The following FHIT variants were observed in gnomAD, a reference collection of about 807,000 sequenced individuals.
FHIT encodes fragile histidine triad diadenosine triphosphatase, also known as bis(5'-adenosyl)-triphosphatase.
FHIT carries 19 observed loss-of-function variants against 17.9 expected under a neutral mutation model. The ratio of observed to expected loss-of-function variants is 1.06; its 90% CI spans 0.74 to 1.56. The LOEUF (loss-of-function observed/expected upper bound fraction) is 1.56, where lower values mean the gene tolerates loss of function less well. Among genes scored for constraint, FHIT ranks in the 40% most tolerant of loss-of-function variants. The pLI is 0.00. For missense variants in FHIT, 248 were observed against 189.2 expected (o/e 1.31, Z -1.82); for synonymous variants, 81 against 69.7 (o/e 1.16, Z -0.81).
intron 2 of FHIT, among the ~76,000 whole-genome samples, chr3:61,116,471 G>A (rs62268767): frequency 0.11 from 16,720 of 151,976 alleles, 951 homozygotes; most frequent in African/African-American, 0.12. Flanking sequence ...AAATGGACTA[G>A]GGAAGTTTTT....
chr3:60,210,494 T>A (rs9851189), intron 5 of FHIT, among the ~76,000 whole-genome samples: 4,266 of 150,774 alleles, frequency 0.028, 185 homozygotes, highest in African/African-American at 0.093. Context: ...GGAGAACACA[T>A]TGGTAAGCTT....
At chr3:59,959,690 C>T (rs1448353700) in intron 7 of FHIT, among the ~76,000 whole-genome samples, 2 of 152,204 alleles carry the variant, frequency 1.3e-5, no homozygotes, top group Non-Finnish European at 2.9e-5. Context: ...ACAGATAAAG[C>T]CCCTGGCCTC....
intron 7 of FHIT, among the ~76,000 whole-genome samples, chr3:59,986,258 C>G (rs1442235704): frequency 6.6e-6 from 1 of 151,690 alleles, no homozygotes; most frequent in Non-Finnish European, 1.5e-5. Context: ...CTGAGAAGCT[C>G]TCAGTAGGAG....
chr3:60,814,223 G>C (rs1701662211), intron 4 of FHIT, among the ~76,000 whole-genome samples: 1 of 152,038 alleles, frequency 6.6e-6, no homozygotes, highest in Admixed American at 6.6e-5. Flanking sequence ...TTTCATTTTA[G>C]ATTCAGGGGG....
chr3:60,668,062 T>A (rs2040421474), intron 4 of FHIT, among the ~76,000 whole-genome samples: 1 of 152,042 alleles, frequency 6.6e-6, no homozygotes, highest in African/African-American at 2.4e-5. Flanking sequence ...AATTGGCCAC[T>A]TTTTGTGGTT....
At chr3:60,562,054 T>A (rs1156255958) in intron 4 of FHIT, among the ~76,000 whole-genome samples, 2 of 152,188 alleles carry the variant, frequency 1.3e-5, no homozygotes, top group Non-Finnish European at 2.9e-5. Flanking sequence ...TTTCCCTATG[T>A]TTGAGTTCTC....
intron 5 of FHIT, among the ~76,000 whole-genome samples, chr3:60,522,914 A>G (rs2035427286): frequency 6.6e-6 from 1 of 152,168 alleles, no homozygotes; most frequent in East Asian, 1.9e-4. Flanking sequence ...GGTAATTTAT[A>G]AAGAAAAAGA....
chr3:61,002,880 T>C (rs1257829443), intron 3 of FHIT, among the ~76,000 whole-genome samples: 1 of 152,150 alleles, frequency 6.6e-6, no homozygotes, highest in Non-Finnish European at 1.5e-5. Flanking sequence ...CTTCTGATAG[T>C]TGCTTGCCTG....
intron 5 of FHIT, among the ~76,000 whole-genome samples, chr3:60,291,696 T>C (rs553749959): frequency 7.3e-4 from 111 of 152,284 alleles, no homozygotes; most frequent in African/African-American, 2.4e-3. Flanking sequence ...AAATAATTTC[T>C]TTCCACTTCC....
At chr3:61,205,723 T>C (rs1190909482) in intron 1 of FHIT, among the ~76,000 whole-genome samples, 1 of 152,244 alleles carries the variant, frequency 6.6e-6, no homozygotes, top group Non-Finnish European at 1.5e-5. Flanking sequence ...TATTAGCCCT[T>C]TGTCAGATGA....
chr3:59,795,038 C>T (rs1269126837), intron 8 of FHIT, among the ~76,000 whole-genome samples: 1 of 152,134 alleles, frequency 6.6e-6, no homozygotes, highest in Non-Finnish European at 1.5e-5. Flanking sequence ...GAATGCAATG[C>T]AAAGCATGTA....
At chr3:60,116,564 A>G (rs1704971859) in intron 5 of FHIT, among the ~76,000 whole-genome samples, 1 of 152,220 alleles carries the variant, frequency 6.6e-6, no homozygotes, top group South Asian at 2.1e-4. Flanking sequence ...CAATTCTGAA[A>G]AAGAATCCCC....
rs1427878779 is a variant in FHIT, at chr3:59,779,691, G to T, written c.349-27370C>A. Among the ~76,000 whole-genome samples the T allele has an allele frequency of 2.6e-5, 4 of 152,272 alleles. No individual in the cohort carries two copies. In the East Asian group the frequency reaches 7.7e-4, roughly 29 times the overall value. ...CTGATCCGGGCATACGAGGTTATCA[G>T]GAAATCCTCAAGTCAGTGTCTCTCC... On this transcript the variant is annotated intron_variant, in intron 8 of 9. Coordinates refer to ENST00000492590, the MANE Select transcript of FHIT (RefSeq NM_002012.4).
At chr3:60,991,497 G>T (rs2030209761) in intron 3 of FHIT, among the ~76,000 whole-genome samples, 1 of 152,204 alleles carries the variant, frequency 6.6e-6, no homozygotes, top group Non-Finnish European at 1.5e-5. Flanking sequence ...GGAAGAAAAT[G>T]GACAAAATTG....
At chr3:60,541,494 T>A (rs1303691394) in intron 4 of FHIT, among the ~76,000 whole-genome samples, 1 of 152,150 alleles carries the variant, frequency 6.6e-6, no homozygotes, top group Non-Finnish European at 1.5e-5. Context: ...CATGTGGGGC[T>A]ATTCGTACTA....
intron 5 of FHIT, among the ~76,000 whole-genome samples, chr3:60,408,837 A>C (rs539259509): frequency 6.6e-6 from 1 of 152,284 alleles, no homozygotes; most frequent in Non-Finnish European, 1.5e-5. Flanking sequence ...CAGGGAATAG[A>C]CTTTTTTAAA....
intron 3 of FHIT, among the ~76,000 whole-genome samples, chr3:60,938,553 T>G (rs1183572123): frequency 6.6e-6 from 1 of 152,190 alleles, no homozygotes; most frequent in East Asian, 1.9e-4. Context: ...TTCCTGTAAA[T>G]GTCTTCCCTG....
At chr3:61,238,695 C>T (rs890957763) in intron 1 of FHIT, among the ~76,000 whole-genome samples, 10 of 152,252 alleles carry the variant, frequency 6.6e-5, no homozygotes, top group East Asian at 1.9e-4. Flanking sequence ...TAGATGAATC[C>T]AACCAGCTTC....
At chr3:61,104,913 A>G (rs189790235) in intron 2 of FHIT, among the ~76,000 whole-genome samples, 1 of 152,196 alleles carries the variant, frequency 6.6e-6, no homozygotes. Flanking sequence ...TTTCAGCTCT[A>G]TGAGGTCAAT....
Sources: allele counts gnomAD v4.1 joint callset (sites outside exome capture counted in the v4.1 genomes callset), GRCh38; gene constraint gnomAD v4.1.1; transcripts MANE v1.5; gene names NCBI Gene and HGNC (gene_info 2026-07-23, HGNC 2026-07-21).